TMEM63C: variants seen among roughly 807,000 people sequenced by gnomAD.
TMEM63C encodes osmosensitive cation channel TMEM63C.
A neutral mutation model predicts 99.2 loss-of-function variants in TMEM63C; 32 were observed. The ratio of observed to expected loss-of-function variants is 0.32; its 90% CI spans 0.24 to 0.43. The LOEUF (loss-of-function observed/expected upper bound fraction) is 0.43, where lower values mean the gene tolerates loss of function less well. Among genes scored for constraint, TMEM63C ranks in the 20% least tolerant of loss-of-function variants. The pLI is 1.00. For missense variants in TMEM63C, 826 were observed against 1,053.0 expected (o/e 0.78, Z 2.98); for synonymous variants, 376 against 397.9 (o/e 0.94, Z 0.66).
Position 77,251,780 on chromosome 14 carries a change from C to A in TMEM63C, c.2039-9C>A, listed in dbSNP as rs759206829. The A allele has an allele frequency of 3.5e-5, 56 of 1,611,232 alleles. No individual in the cohort carries two copies. In the Admixed American group the frequency reaches 9.3e-4, roughly 27 times the overall value. On this transcript the variant is annotated splice_polypyrimidine_tract_variant and intron_variant, in intron 21 of 23. Coordinates refer to ENST00000298351, the MANE Select transcript of TMEM63C (RefSeq NM_020431.4). Reference sequence around the variant, plus strand: ...ACTCCTGCCCATGACTTTTTCTCCTCCTCGGCAGGTTCTCTCCACGCCATC... The same window carrying A: ...ACTCCTGCCCATGACTTTTTCTCCTACTCGGCAGGTTCTCTCCACGCCATC...
At chr14:77,248,324 C>A in intron 18 of TMEM63C, 23 bp from the exon 19 acceptor site, 1 of 1,587,042 alleles carries the variant, frequency 6.3e-7, no homozygotes. Flanking sequence ...CTGTTGCCAC[C>A]TTCCCTCTCC....
At position 77,256,621 on chromosome 14, in the gene TMEM63C, G is replaced by A. The variant is rs529233834; in HGVS notation, c.2316G>A (p.Pro772=). ...RHTYGTMNNQ[P]EEGEEESGLR... Reference sequence around the variant, plus strand: ...CCTATGGCACCATGAACAACCAGCCGGAAGAGGGAGAAGAAGAGAGTGGTC... The same window carrying A: ...CCTATGGCACCATGAACAACCAGCCAGAAGAGGGAGAAGAAGAGAGTGGTC... The change falls in exon 24 of 24, where the codon CCG becomes CCA. Residue 772 remains proline (P), a synonymous_variant. Transcript: ENST00000298351. 6.8e-5 allele frequency: 110 copies of A among 1,614,034 alleles called. No individual in the cohort carries two copies. The highest frequency in any genetic ancestry group is 1.6e-4 in the Middle Eastern group (1 of 6,062).
At chr14:77,192,295 G>C (rs537524201) in intron 1 of TMEM63C, among the ~76,000 whole-genome samples, 80 of 152,138 alleles carry the variant, frequency 5.3e-4, no homozygotes, top group Non-Finnish European at 1.0e-3. Flanking sequence ...TGGCGTTACT[G>C]TTACCTCCAT....
intron 1 of TMEM63C, among the ~76,000 whole-genome samples, chr14:77,211,972 A>G (rs1292096342): frequency 6.6e-6 from 1 of 152,106 alleles, no homozygotes; most frequent in Non-Finnish European, 1.5e-5. Flanking sequence ...ACCACCACCT[A>G]CCAGCTGCAG....
chr14:77,240,201 C>A (rs999857734), intron 12 of TMEM63C, among the ~76,000 whole-genome samples: 14 of 152,264 alleles, frequency 9.2e-5, no homozygotes, highest in African/African-American at 3.4e-4. Context: ...CAAACACATT[C>A]TCTCACCTCT....
intron 15 of TMEM63C, among the ~76,000 whole-genome samples, chr14:77,243,730 G>A (rs1045171991): frequency 5.9e-5 from 9 of 151,990 alleles, no homozygotes; most frequent in East Asian, 1.9e-4. Flanking sequence ...CCATATTCTC[G>A]CCATCCTCAT....
At position 77,233,089 on chromosome 14, in the gene TMEM63C, G is replaced by T. The variant is rs544214249; in HGVS notation, c.494-363G>T. ...GATTTCCTCTGAATGAGGCAGTGTT[G>T]CCTTTTCTGGACGTTGCCAGTGGTA... On this transcript the variant is annotated intron_variant, in intron 7 of 23. Transcript: ENST00000298351. Among the ~76,000 whole-genome samples, 174 of 152,310 alleles carry T rather than the reference G, an allele frequency of 1.1e-3. 1 individual carries two copies. Among genetic ancestry groups the T allele is most frequent in the African/African-American group, 4.0e-3 (167 of 41,558 alleles).
intron 3 of TMEM63C, 46 bp from the exon 4 acceptor site, chr14:77,219,452 G>A: frequency 6.2e-7 from 1 of 1,602,884 alleles, no homozygotes; most frequent in Non-Finnish European, 8.5e-7. Flanking sequence ...CAAGGGGAAG[G>A]GATCCATGAA....
intron 5 of TMEM63C, among the ~76,000 whole-genome samples, chr14:77,221,011 C>G (rs1416972708): frequency 2.1e-4 from 1 of 4,684 alleles, no homozygotes; most frequent in African/African-American, 6.0e-4. Flanking sequence ...CTCTCGCCTC[C>G]CCTCCCACTC....
chr14:77,246,168 A>G, intron 17 of TMEM63C, 142 bp downstream of exon 17: 1 of 718,828 alleles, frequency 1.4e-6, no homozygotes, highest in East Asian at 2.5e-5. Flanking sequence ...TGGGTGTAGC[A>G]TGAGCCGGGC....
intron 1 of TMEM63C, among the ~76,000 whole-genome samples, chr14:77,199,222 G>A (rs1392421625): frequency 6.6e-6 from 1 of 152,134 alleles, no homozygotes; most frequent in African/African-American, 2.4e-5. Context: ...TTCCTGAGAG[G>A]CCCGGGGGCT....
intron 5 of TMEM63C, among the ~76,000 whole-genome samples, chr14:77,222,354 C>T (rs940305621): frequency 6.6e-6 from 1 of 152,174 alleles, no homozygotes; most frequent in South Asian, 2.1e-4. Context: ...TCTTTCTCTC[C>T]ATCACTCCTA....
At chr14:77,248,991 C>A in intron 20 of TMEM63C, 119 bp downstream of exon 20, 1 of 979,220 alleles carries the variant, frequency 1.0e-6, no homozygotes, top group Non-Finnish European at 1.6e-6. Context: ...AGGGAGGGGT[C>A]AGGGCCAGGG....
At chr14:77,196,908 C>T (rs1278890077) in intron 1 of TMEM63C, among the ~76,000 whole-genome samples, 2 of 152,156 alleles carry the variant, frequency 1.3e-5, no homozygotes, top group African/African-American at 4.8e-5. Context: ...CAGCCTGTGC[C>T]CCACGCTCCT....
intron 9 of TMEM63C, 142 bp downstream of exon 9, chr14:77,236,874 G>A (rs1889070538): frequency 1.6e-6 from 1 of 640,644 alleles, no homozygotes; most frequent in Non-Finnish European, 2.8e-6. Flanking sequence ...CACCTGAGCA[G>A]GGGCCAAGCT....
At chr14:77,214,889 TA>T (rs1788485233) in intron 2 of TMEM63C, among the ~76,000 whole-genome samples, 1 of 152,160 alleles carries the variant, frequency 6.6e-6, no homozygotes, top group African/African-American at 2.4e-5. Flanking sequence ...ACAATTCTTC[TA>T]CCTCCCCTTG....
intron 2 of TMEM63C, among the ~76,000 whole-genome samples, chr14:77,218,327 C>G (rs4467006): frequency 0.68 from 102,781 of 151,374 alleles, 35,185 homozygotes; most frequent in Admixed American, 0.73. Flanking sequence ...ATGGTGACTG[C>G]ATCAGAGATT....
intron 1 of TMEM63C, among the ~76,000 whole-genome samples, chr14:77,196,832 C>T (rs145031177): frequency 5.9e-5 from 9 of 152,294 alleles, no homozygotes; most frequent in Middle Eastern, 3.4e-3. Flanking sequence ...GTCAAAACAG[C>T]GCGGGAAGCC....
intron 1 of TMEM63C, among the ~76,000 whole-genome samples, chr14:77,208,930 A>T (rs1346569005): frequency 2.0e-5 from 3 of 152,130 alleles, no homozygotes; most frequent in African/African-American, 7.2e-5. Flanking sequence ...CAGCGGGATC[A>T]TTGCTCTGCT....
Sources: allele counts gnomAD v4.1 joint callset (sites outside exome capture counted in the v4.1 genomes callset), GRCh38; gene constraint gnomAD v4.1.1; transcripts MANE v1.5; gene names NCBI Gene and HGNC (gene_info 2026-07-23, HGNC 2026-07-21).